The following NOL11 variants were observed in gnomAD, a reference collection of about 807,000 sequenced individuals.
The protein encoded by NOL11 is nucleolar protein 11.
In NOL11, 42 loss-of-function variants were observed where a neutral mutation model predicts 93.0. The ratio of observed to expected loss-of-function variants is 0.45; its 90% confidence interval spans 0.35 to 0.58. NOL11 has a LOEUF of 0.58. Ranked by LOEUF, NOL11 falls within the 20% of genes least tolerant of loss-of-function variation. The probability of loss-of-function intolerance (pLI) is 0.00; values close to 1 mark genes in which losing one functional copy is unlikely to be tolerated. For missense variants in NOL11, 775 were observed against 841.8 expected, an observed-to-expected ratio of 0.92 and a Z score of 0.98; for synonymous variants, 296 against 293.7, an observed-to-expected ratio of 1.01 and a Z score of -0.08.
At chr17:67,722,487 T>G (rs1392526828) in intron 4 of NOL11, 93 bp from the exon 5 acceptor site, 1 of 1,474,090 alleles carries the variant, frequency 6.8e-7, no homozygotes, top group Admixed American at 3.0e-5. Flanking sequence ...CTAAAAAATA[T>G]TTAATGAAAA....
intron 6 of NOL11, among the ~76,000 whole-genome samples, chr17:67,726,089 AAAAC>A (rs1173742072): frequency 2.0e-5 from 3 of 152,182 alleles, no homozygotes; most frequent in Non-Finnish European, 2.9e-5. Context: ...CTGTCTCAAA[AAAAC>A]AAACAAGAAA....
intron 3 of NOL11, among the ~76,000 whole-genome samples, 189 bp from the exon 4 acceptor site, chr17:67,721,188 GA>G (rs2043215536): frequency 6.6e-6 from 1 of 152,186 alleles, no homozygotes. Context: ...GAGAGGATAA[GA>G]GAAAAAGTTA....
intron 16 of NOL11, 159 bp from the exon 17 acceptor site, chr17:67,743,320 T>C (rs747516879): frequency 1.8e-4 from 82 of 444,890 alleles, no homozygotes; most frequent in Non-Finnish European, 3.0e-4. Context: ...ATGAGCCTTT[T>C]TATATTTCGT....
chr17:67,724,479 G>A (rs891210113), intron 6 of NOL11, among the ~76,000 whole-genome samples: 1 of 151,776 alleles, frequency 6.6e-6, no homozygotes, highest in African/African-American at 2.4e-5. Flanking sequence ...GATTACAGGC[G>A]CCCACCCCCA....
rs780661064 is a variant in NOL11 at position 67,743,776 on chromosome 17, G to A, written c.2077G>A (p.Val693Ile). The A allele has an allele frequency of 1.9e-6, 3 of 1,544,512 alleles. No individual in the cohort carries two copies. The highest frequency in any genetic ancestry group is 2.6e-6 in the Non-Finnish European group (3 of 1,151,012). ...SVYSELNKIE[V>I]SFRELQKLNQ... ...TTATTCTGAGCTCAACAAGATTGAAGTAAGTTTTCGGGAGCTACAGAAATT... is the reference window on the plus strand; with the variant it reads ...TTATTCTGAGCTCAACAAGATTGAAATAAGTTTTCGGGAGCTACAGAAATT... Residue 693 changes from valine (V) to isoleucine (I), a missense_variant, in exon 18 of 18, where the codon GTA (valine) becomes ATA (isoleucine). This residue lies in a region of NOL11 where 416 missense variants were observed against 525.2 expected (regional missense o/e 0.79). Transcript: ENST00000253247.
chr17:67,741,181 T>G (rs1369705159), intron 16 of NOL11, among the ~76,000 whole-genome samples: 1 of 152,150 alleles, frequency 6.6e-6, no homozygotes, highest in Non-Finnish European at 1.5e-5. Flanking sequence ...GTGATTCTCC[T>G]GCCTCAGCCT....
At chr17:67,738,812 C>G in intron 14 of NOL11, 120 bp from the exon 15 acceptor site, 1 of 643,738 alleles carries the variant, frequency 1.6e-6, no homozygotes, top group Non-Finnish European at 2.7e-6. Flanking sequence ...TGATAGAGCT[C>G]TTTTAGAGAT....
chr17:67,737,147 T>C lies in NOL11; in HGVS notation c.1218+2T>C. Reference sequence around the variant, plus strand: ...AAACAACTTTTGTCAACCATAATGGTAAATAAATAATATTGAAATATGAAA... The same window carrying C: ...AAACAACTTTTGTCAACCATAATGGCAAATAAATAATATTGAAATATGAAA... On this transcript the variant is annotated splice_donor_variant, in intron 11 of 17. Transcript: ENST00000253247. LOFTEE classifies it high-confidence loss of function. 6.4e-7 allele frequency: 1 copy of C among 1,551,002 alleles called. No individual in the cohort carries two copies. Among genetic ancestry groups the C allele is most frequent in the Non-Finnish European group, 8.9e-7 (1 of 1,123,434 alleles).
intron 6 of NOL11, 92 bp from the exon 7 acceptor site, chr17:67,726,366 ATT>A: frequency 9.7e-7 from 1 of 1,026,378 alleles, no homozygotes; most frequent in Non-Finnish European, 1.3e-6. Context: ...GTTTTATCAA[ATT>A]GGTAAAATCT....
At chr17:67,736,336 T>G (rs2055202038) in intron 9 of NOL11, among the ~76,000 whole-genome samples, 1 of 151,630 alleles carries the variant, frequency 6.6e-6, no homozygotes, top group African/African-American at 2.4e-5. Context: ...CAGTCCAAAT[T>G]GCAGGTTCTG....
intron 16 of NOL11, 42 bp downstream of exon 16, chr17:67,739,650 CTG>C: frequency 7.6e-7 from 1 of 1,311,288 alleles, no homozygotes; most frequent in Non-Finnish European, 1.1e-6. Context: ...TGGGAAAAAT[CTG>C]TGAAAAAAAG....
intron 16 of NOL11, among the ~76,000 whole-genome samples, chr17:67,740,485 T>C (rs982467050): frequency 2.6e-5 from 4 of 151,738 alleles, no homozygotes; most frequent in Admixed American, 6.6e-5. Context: ...GGCATATGCC[T>C]GTAATCTCAG....
chr17:67,723,592 T>C (rs1008947541), intron 5 of NOL11, among the ~76,000 whole-genome samples: 3 of 151,706 alleles, frequency 2.0e-5, no homozygotes, highest in African/African-American at 7.3e-5. Context: ...TTTTGCCATA[T>C]TGGTCAGGCT....
intron 7 of NOL11, among the ~76,000 whole-genome samples, chr17:67,729,460 C>A (rs908140528): frequency 6.6e-6 from 1 of 152,008 alleles, no homozygotes; most frequent in East Asian, 1.9e-4. Flanking sequence ...CAAAAGGAAC[C>A]TGTGGACCCA....
Position 67,718,037 on chromosome 17 carries a change from A to G in NOL11, c.90A>G (p.Lys30=). 1 of 1,614,186 alleles carries G rather than the reference A, an allele frequency of 6.2e-7. No homozygotes were observed. Among genetic ancestry groups the G allele is most frequent in the East Asian group, 2.2e-5 (1 of 44,886 alleles). ...EGLLGVEQSD[K]TDQFLVTDSG... is the part of the protein sequence containing the mutation. ...TCCTAGGCGTGGAGCAGAGCGACAA[A>G]ACAGACCAGTTTCTAGTGACAGACA... is the stretch of plus-strand genomic sequence containing the variant. Residue 30 remains lysine (K), a synonymous_variant, in exon 1 of 18, where the codon AAA becomes AAG. Coordinates refer to ENST00000253247, the MANE Select transcript of NOL11 (RefSeq NM_015462.5).
intron 2 of NOL11, 25 bp downstream of exon 2, chr17:67,719,812 T>C (rs773508400): frequency 6.1e-6 from 9 of 1,469,820 alleles, no homozygotes; most frequent in Non-Finnish European, 8.4e-6. Flanking sequence ...TTTTGTATAA[T>C]ATATACAATA....
chr17:67,737,201 G>A (rs761085309), intron 11 of NOL11, 56 bp downstream of exon 11: 9 of 1,025,330 alleles, frequency 8.8e-6, no homozygotes, highest in Admixed American at 3.5e-5. Context: ...CAAAGAAATC[G>A]CATCTACTCT....
At chr17:67,732,153 A>G (rs1472162948) in intron 7 of NOL11, among the ~76,000 whole-genome samples, 1 of 152,144 alleles carries the variant, frequency 6.6e-6, no homozygotes, top group Non-Finnish European at 1.5e-5. Flanking sequence ...GCAATGTTTT[A>G]TAACTTTTAG....
At position 67,743,829 on chromosome 17, in the gene NOL11, A is replaced by G; in HGVS notation, c.2130A>G (p.Leu710=). The stretch of plus-strand genomic sequence containing the variant: ...ATCAAGAAAAGAATAATAGAGGATT[A>G]TATTCAATTGAAGTGCTGGAGCTCT... ...KLNQEKNNRG[L]YSIEVLELF Residue 710 remains leucine (L), a synonymous_variant, in exon 18 of 18, where the codon TTA becomes TTG. Coordinates refer to ENST00000253247, the MANE Select transcript of NOL11 (RefSeq NM_015462.5). 6.5e-7 allele frequency: 1 copy of G among 1,529,538 alleles called. No individual in the cohort carries two copies. Among genetic ancestry groups the G allele is most frequent in the Non-Finnish European group, 8.8e-7 (1 of 1,136,732 alleles). 94.7% of individuals were successfully genotyped at this position (1,529,538 alleles called of 1,614,324 possible). A position where few individuals can be genotyped will look rare whatever the true frequency, so the allele number is the denominator to read the frequency against.
Sources: allele counts gnomAD v4.1 joint callset (sites outside exome capture counted in the v4.1 genomes callset), GRCh38; gene constraint gnomAD v4.1.1; regional missense constraint gnomAD v4.1.1; transcripts MANE v1.5; gene names NCBI Gene and HGNC (gene_info 2026-07-23, HGNC 2026-07-21).